ZNF665: variants seen among roughly 807,000 people sequenced by gnomAD.
The protein encoded by ZNF665 is zinc finger protein 665.
ZNF665 carries 6 observed loss-of-function variants against 7.9 expected under a neutral mutation model. The ratio of observed to expected loss-of-function variants is 0.76; its 90% CI spans 0.42 to 1.50. The LOEUF (loss-of-function observed/expected upper bound fraction) is 1.50. Ranked by LOEUF, ZNF665 falls within the 40% of genes most tolerant of loss-of-function variation. ZNF665 has a pLI of 0.01. For missense variants in ZNF665, 819 were observed against 806.7 expected, an observed-to-expected ratio of 1.02 and a Z score of -0.18; for synonymous variants, 242 against 274.5, an observed-to-expected ratio of 0.88 and a Z score of 1.17.
At chr19:53,184,341 A>T (rs7255239) in intron 1 of ZNF665, among the ~76,000 whole-genome samples, 1 of 152,156 alleles carries the variant, frequency 6.6e-6, no homozygotes, top group Non-Finnish European at 1.5e-5. Context: ...AAATAATGTC[A>T]TATCTTCTCT....
rs1474986917 is a variant in ZNF665 at position 53,165,533 on chromosome 19, C to T, written c.957G>A (p.Lys319=). 1 of 1,613,990 alleles carries T rather than the reference C, an allele frequency of 6.2e-7. No homozygotes were observed. The highest frequency in any genetic ancestry group is 8.5e-7 in the Non-Finnish European group (1 of 1,179,988). The change falls in exon 4 of 4, where the codon AAG becomes AAA. Residue 319 remains lysine (K), a synonymous_variant. Coordinates refer to ENST00000396424, the MANE Select transcript of ZNF665 (RefSeq NM_024733.5). ...RRIHTGEKPY[K]CNECGKAFSV... is the part of the protein sequence containing the mutation. ...TAAAGGCTTTGCCACACTCATTACA[C>T]TTGTAAGGCTTCTCCCCAGTATGAA...
intron 2 of ZNF665, among the ~76,000 whole-genome samples, chr19:53,179,300 T>C (rs909997535): frequency 7.2e-5 from 10 of 138,210 alleles, no homozygotes; most frequent in Non-Finnish European, 9.1e-5. Context: ...GGCATGAACC[T>C]GGGAGGCGGG....
At chr19:53,191,888 T>C (rs4803058) in intron 1 of ZNF665, 36,867 of 152,072 alleles carry the variant, frequency 0.24, 4,679 homozygotes, top group Admixed American at 0.28. Flanking sequence ...AATCAATATA[T>C]CACGATGTAA....
At chr19:53,173,536 G>A (rs2146855384) in intron 3 of ZNF665, among the ~76,000 whole-genome samples, 1 of 150,860 alleles carries the variant, frequency 6.6e-6, no homozygotes, top group East Asian at 2.0e-4. Flanking sequence ...CACCATGCCT[G>A]GCTAATTTTT....
At chr19:53,184,985 G>T (rs1017432883) in intron 1 of ZNF665, among the ~76,000 whole-genome samples, 2 of 152,200 alleles carry the variant, frequency 1.3e-5, no homozygotes, top group Admixed American at 1.3e-4. Flanking sequence ...GAGACTTTTT[G>T]TACTTTCCCT....
intron 2 of ZNF665, among the ~76,000 whole-genome samples, chr19:53,179,330 C>T (rs901733505): frequency 9.5e-5 from 13 of 136,320 alleles, no homozygotes; most frequent in African/African-American, 2.5e-4. Context: ...GAGCCGAGAT[C>T]GCACCACTGC....
chr19:53,183,980 T>A (rs570003052), intron 1 of ZNF665, among the ~76,000 whole-genome samples: 4 of 152,336 alleles, frequency 2.6e-5, no homozygotes, highest in African/African-American at 9.6e-5. Context: ...CTGGGCGCAG[T>A]GGCTCTTGCC....
At chr19:53,181,710 G>A (rs576920914) in intron 2 of ZNF665, 18 of 152,212 alleles carry the variant, frequency 1.2e-4, no homozygotes, top group Middle Eastern at 3.4e-3. Context: ...ATTAAAATAC[G>A]TTTCCAGACC....
chr19:53,165,996 T>C lies in ZNF665; in HGVS notation c.494A>G (p.Asn165Ser). Residue 165 changes from asparagine (N) to serine (S), a missense_variant, in exon 4 of 4, where the codon AAT becomes AGT. Asn to Ser is a conservative substitution (Grantham distance 46). Coordinates refer to ENST00000396424, the MANE Select transcript of ZNF665 (RefSeq NM_024733.5). ...FQHEGKIYEY[N>S]QVEKSPNNRG... ...ATTATTAGGAGACTTCTCAACTTGA[T>C]TGTATTCATAAATTTTCCCTTCATG... 1 of 1,613,910 alleles carries C rather than the reference T, an allele frequency of 6.2e-7. No individual in the cohort carries two copies. Among genetic ancestry groups the C allele is most frequent in the Non-Finnish European group, 8.5e-7 (1 of 1,179,818 alleles).
At position 53,165,927 on chromosome 19, in the gene ZNF665, C is replaced by A. The variant is rs200587299; in HGVS notation, c.563G>T (p.Ser188Ile). 28 of 1,614,138 alleles carry A rather than the reference C, an allele frequency of 1.7e-5. No homozygotes were observed. The East Asian group carries it at 1.8e-4, about 10-fold the overall frequency. The change falls in exon 4 of 4, where the codon AGT becomes ATT. Residue 188 changes from serine to isoleucine, a missense_variant. Physicochemically the swap from Ser to Ile is moderately radical, Grantham distance 142 (BLOSUM62 -2). Coordinates refer to ENST00000396424, the MANE Select transcript of ZNF665 (RefSeq NM_024733.5). ...ATGACTTGTTAGCCGTGAGTTTTGA[C>A]TGAAGACCTTGCCACATTCATCACA... is the stretch of plus-strand genomic sequence containing the variant. ...YKCDECGKVFSQNSRLTSHKR... is the reference protein window; with the variant it reads ...YKCDECGKVFIQNSRLTSHKR...
chr19:53,164,680 C>G lies in ZNF665; in HGVS notation c.1810G>C (p.Gly604Arg). ...GEKPYKCNEC[G>R]KVFTQNSHLA... ...TGTGAATTTTGAGTGAAGACCTTGC[C>G]ACATTCATTACATTTGTAAGGTTTT... The change falls in exon 4 of 4, where the codon GGC becomes CGC. Residue 604 changes from glycine (G) to arginine (R), a missense_variant. Gly to Arg is a moderately radical substitution (Grantham distance 125). Transcript: ENST00000396424. 1 of 1,612,748 alleles carries G rather than the reference C, an allele frequency of 6.2e-7. No homozygotes were observed. Among genetic ancestry groups the G allele is most frequent in the Non-Finnish European group, 8.5e-7 (1 of 1,178,922 alleles).
At position 53,166,229 on chromosome 19, in the gene ZNF665, G is replaced by A; in HGVS notation, c.261C>T (p.Ser87=). 6.2e-7 allele frequency: 1 copy of A among 1,613,962 alleles called. No homozygotes were observed. The highest frequency in any genetic ancestry group is 8.5e-7 in the Non-Finnish European group (1 of 1,179,878). Residue 87 remains serine (S), a synonymous_variant, in exon 4 of 4, where the codon TCC becomes TCT. Coordinates refer to ENST00000396424, the MANE Select transcript of ZNF665 (RefSeq NM_024733.5). ...ATGTATTTTTCTGAACTTCCTGGAA[G>A]GACAAGCCTACAGTGTCACAGCTTT... ...RLESCDTVGL[S]FQEVQKNTYD...
In ZNF665 at chr19:53,164,443, T is replaced by C. The variant is rs772509712; in HGVS notation, c.*10A>G. ...GTGAGCCACCACGCCCGGCGTCCTT[T>C]GTAAGGTTTCTATCCACTATGAATT... On this transcript the variant is annotated 3_prime_UTR_variant, in exon 4 of 4. Coordinates refer to ENST00000396424, the MANE Select transcript of ZNF665 (RefSeq NM_024733.5). The C allele has an allele frequency of 1.3e-6, 2 of 1,557,486 alleles. No individual in the cohort carries two copies. The highest frequency in any genetic ancestry group is 8.7e-7 in the Non-Finnish European group (1 of 1,152,804).
At position 53,164,640 on chromosome 19, in the gene ZNF665, CTA is replaced by C; in HGVS notation, c.1848_1849del (p.His616GlnfsTer11). 1.2e-6 allele frequency: 2 copies of C among 1,612,724 alleles called. No individual in the cohort carries two copies. Among genetic ancestry groups the C allele is most frequent in the Non-Finnish European group, 1.7e-6 (2 of 1,178,906 alleles). On this transcript the variant is annotated frameshift_variant, in exon 4 of 4. Transcript: ENST00000396424. LOFTEE classifies it low-confidence loss of function (END_TRUNC). The stretch of plus-strand genomic sequence containing the variant: ...AGGTTTTTCTCCAGTGTGAATTCTT[CTA>C]TGATTTGCAAGATGTGAATTTTGAG...
intron 1 of ZNF665, among the ~76,000 whole-genome samples, chr19:53,192,780 G>C (rs2090827212): frequency 6.6e-6 from 1 of 152,062 alleles, no homozygotes. Context: ...CAAGGCCCGG[G>C]CACCTCCCCA....
chr19:53,183,273 T>G (rs953232396), intron 1 of ZNF665, among the ~76,000 whole-genome samples: 2 of 152,134 alleles, frequency 1.3e-5, no homozygotes, highest in African/African-American at 4.8e-5. Context: ...CCAAACCCCA[T>G]GCTGAGCACA....
intron 3 of ZNF665, among the ~76,000 whole-genome samples, chr19:53,171,760 G>A (rs553810759): frequency 6.6e-6 from 1 of 151,518 alleles, no homozygotes; most frequent in African/African-American, 2.4e-5. Context: ...TGATAGATTT[G>A]TGTTTTTATT....
chr19:53,184,736 G>A (rs12983302), intron 1 of ZNF665, among the ~76,000 whole-genome samples: 6,014 of 152,182 alleles, frequency 0.04, 160 homozygotes, highest in Non-Finnish European at 0.057. Flanking sequence ...AGCTGGGCCC[G>A]GGGGACCACT....
rs763056470 is a variant in ZNF665, at chr19:53,166,065, C to T, written c.425G>A (p.Gly142Glu). 8.1e-6 allele frequency: 13 copies of T among 1,614,134 alleles called. No individual in the cohort carries two copies. In the South Asian group the frequency reaches 1.4e-4, roughly 18 times the overall value. Residue 142 changes from glycine (G) to glutamate (E), a missense_variant, in exon 4 of 4, where the codon GGA (glycine) becomes GAA (glutamate). Coordinates refer to ENST00000396424, the MANE Select transcript of ZNF665 (RefSeq NM_024733.5). Reference sequence around the variant, plus strand: ...AGGGAGATGTGACTGAAAGCTTACTCCAAGCTGATTTTCAATATGCCTGTT... The same window carrying T: ...AGGGAGATGTGACTGAAAGCTTACTTCAAGCTGATTTTCAATATGCCTGTT... The part of the protein sequence containing the change: ...AGNRHIENQL[G>E]VSFQSHLPEL...
Sources: gnomAD v4.1 joint callset for allele counts (sites outside exome capture counted in the v4.1 genomes callset) on GRCh38, gnomAD v4.1.1 for gene constraint, MANE v1.5 for transcripts, NCBI Gene and HGNC (gene_info 2026-07-23, HGNC 2026-07-21) for gene names.